Variants in ELAVL2 observed in about 807,000 individuals in gnomAD.
The protein encoded by ELAVL2 is ELAV like RNA binding protein 2, also known as ELAV-like protein 2.
A neutral mutation model predicts 34.6 loss-of-function variants in ELAVL2; 4 were observed. The observed-to-expected ratio is 0.12, with a 90% confidence interval of 0.06 to 0.26. The LOEUF (loss-of-function observed/expected upper bound fraction) is 0.26, where lower values mean the gene tolerates loss of function less well. Among genes scored for constraint, ELAVL2 ranks in the 10% least tolerant of loss-of-function variants. The pLI is 1.00. For missense variants in ELAVL2, 432 were observed against 442.8 expected, an observed-to-expected ratio of 0.98 and a Z score of 0.22; for synonymous variants, 193 against 154.8, an observed-to-expected ratio of 1.25 and a Z score of -1.83.
intron 1 of ELAVL2, among the ~76,000 whole-genome samples, chr9:23,798,818 C>T (rs783458): frequency 0.059 from 8,974 of 152,124 alleles, 870 homozygotes; most frequent in African/African-American, 0.2. Context: ...CCCAGGCACA[C>T]GTGTAATTAA....
At chr9:23,779,064 A>C (rs1174278524) in intron 1 of ELAVL2, among the ~76,000 whole-genome samples, 1 of 152,236 alleles carries the variant, frequency 6.6e-6, no homozygotes, top group Non-Finnish European at 1.5e-5. Flanking sequence ...TGAGTAGGGC[A>C]GCACACAAAA....
At chr9:23,769,621 A>G (rs2056942072) in intron 1 of ELAVL2, among the ~76,000 whole-genome samples, 1 of 152,192 alleles carries the variant, frequency 6.6e-6, no homozygotes, top group African/African-American at 2.4e-5. Context: ...ATCCTTGTCA[A>G]TTCTCCAGCC....
intron 2 of ELAVL2, among the ~76,000 whole-genome samples, chr9:23,749,655 G>A (rs931904166): frequency 1.3e-5 from 2 of 152,088 alleles, no homozygotes. Context: ...ATGATGCAAA[G>A]TGAGGGTGCA....
intron 1 of ELAVL2, among the ~76,000 whole-genome samples, chr9:23,777,207 C>G (rs1286470546): frequency 6.6e-6 from 1 of 152,122 alleles, no homozygotes; most frequent in Non-Finnish European, 1.5e-5. Flanking sequence ...TCAGATCGAG[C>G]TAAAAAGAAA....
At chr9:23,699,621 T>C (rs541489190) in intron 5 of ELAVL2, among the ~76,000 whole-genome samples, 1 of 152,084 alleles carries the variant, frequency 6.6e-6, no homozygotes, top group Admixed American at 6.6e-5. Context: ...CATCCTACGT[T>C]TGCAATTTAA....
At chr9:23,731,351 C>CACA (rs2046496476) in intron 2 of ELAVL2, among the ~76,000 whole-genome samples, 1 of 146,392 alleles carries the variant, frequency 6.8e-6, no homozygotes, top group Non-Finnish European at 1.5e-5. Context: ...AAAAAAAAAA[C>CACA]ACACATCCCC....
chr9:23,701,290 A>C, intron 5 of ELAVL2, 89 bp downstream of exon 5: 43 of 1,398,022 alleles, frequency 3.1e-5, no homozygotes, highest in Middle Eastern at 1.8e-4. Flanking sequence ...AAAGCAAACC[A>C]GAGATCCTGT....
intron 3 of ELAVL2, among the ~76,000 whole-genome samples, chr9:23,730,549 T>C (rs80158811): frequency 1.8e-3 from 281 of 152,252 alleles, no homozygotes; most frequent in Non-Finnish European, 2.9e-3. Flanking sequence ...TCAAGTTTCA[T>C]TGCCCATAAA....
At chr9:23,701,672 G>T in intron 4 of ELAVL2, 68 bp from the exon 5 acceptor site, 1 of 1,507,122 alleles carries the variant, frequency 6.6e-7, no homozygotes, top group Non-Finnish European at 9.1e-7. Flanking sequence ...GAGAAGAAAG[G>T]ACACATTAAT....
intron 3 of ELAVL2, among the ~76,000 whole-genome samples, chr9:23,712,284 AAC>A (rs1184834312): frequency 2.0e-5 from 3 of 152,256 alleles, no homozygotes; most frequent in Admixed American, 6.5e-5. Context: ...CATTAGCTGC[AAC>A]ACAGTCTTCA....
intron 5 of ELAVL2, among the ~76,000 whole-genome samples, chr9:23,694,344 C>T (rs1358809775): frequency 1.3e-5 from 2 of 152,088 alleles, no homozygotes; most frequent in Non-Finnish European, 2.9e-5. Context: ...TTTCCTATAT[C>T]AAATATTAGT....
chr9:23,699,101 A>G (rs1035962137), intron 5 of ELAVL2, among the ~76,000 whole-genome samples: 1 of 152,228 alleles, frequency 6.6e-6, no homozygotes, highest in African/African-American at 2.4e-5. Context: ...CAAGTTAATG[A>G]TAACATATGG....
chr9:23,758,286 G>A (rs1328431582), intron 2 of ELAVL2, among the ~76,000 whole-genome samples: 2 of 151,982 alleles, frequency 1.3e-5, no homozygotes, highest in East Asian at 1.9e-4. Context: ...TACCTCTTAC[G>A]AAGTATGCCT....
upstream of ELAVL2, among the ~76,000 whole-genome samples, chr9:23,830,984 T>G (rs2065482772): frequency 6.6e-6 from 1 of 152,140 alleles, no homozygotes; most frequent in Non-Finnish European, 1.5e-5. Context: ...CTAACAGCCT[T>G]CTTTAAGCTT....
At chr9:23,745,314 T>C (rs1360588887) in intron 2 of ELAVL2, among the ~76,000 whole-genome samples, 4 of 152,178 alleles carry the variant, frequency 2.6e-5, no homozygotes, top group Non-Finnish European at 2.9e-5. Context: ...AATTAAGATA[T>C]TATACAAAGA....
At chr9:23,706,168 T>C (rs1397378907) in intron 3 of ELAVL2, among the ~76,000 whole-genome samples, 2 of 152,210 alleles carry the variant, frequency 1.3e-5, no homozygotes, top group African/African-American at 4.8e-5. Context: ...TGCCACTGTA[T>C]GTACTTTCAA....
At chr9:23,850,005 C>G in the ELAVL2 span, 1 of 151,036 alleles carries the variant, frequency 6.6e-6, no homozygotes, top group Non-Finnish European at 1.5e-5. Context: ...TAAAGTATCT[C>G]TAGTAATCAC....
intron 1 of ELAVL2, among the ~76,000 whole-genome samples, chr9:23,788,865 C>T (rs1169690299): frequency 6.6e-6 from 1 of 152,202 alleles, no homozygotes; most frequent in African/African-American, 2.4e-5. Flanking sequence ...CATGAGGGTA[C>T]ATCACACTAT....
chr9:23,842,615 G>A, the ELAVL2 span, among the ~76,000 whole-genome samples: 1 of 151,936 alleles, frequency 6.6e-6, no homozygotes, highest in African/African-American at 2.4e-5. Flanking sequence ...GCATTTCTGA[G>A]TGCTTCTTAG....
Sources: allele counts gnomAD v4.1 joint callset (sites outside exome capture counted in the v4.1 genomes callset), GRCh38; gene constraint gnomAD v4.1.1; transcripts MANE v1.5; gene names NCBI Gene and HGNC (gene_info 2026-07-23, HGNC 2026-07-21).